HS3ST5: variants seen among roughly 807,000 people sequenced by gnomAD.
HS3ST5 encodes the protein heparan sulfate glucosamine 3-O-sulfotransferase 5.
HS3ST5 carries 10 observed loss-of-function variants against 25.4 expected under a neutral mutation model. That is an observed-to-expected ratio of 0.39 (90% CI 0.24 to 0.67). The LOEUF is 0.67. HS3ST5 is among the 30% of genes least tolerant of loss of function. HS3ST5 has a pLI of 0.44. For missense variants in HS3ST5, 324 were observed against 420.7 expected, an observed-to-expected ratio of 0.77 and a Z score of 2.01; for synonymous variants, 170 against 162.4, an observed-to-expected ratio of 1.05 and a Z score of -0.36.
rs369748785 is a variant in HS3ST5 at position 114,105,074 on chromosome 6, G to A, written c.-32-42197C>T. Among the ~76,000 whole-genome samples the A allele has an allele frequency of 3.2e-4, 49 of 152,202 alleles. 1 individual carries two copies. The highest frequency in any genetic ancestry group is 9.9e-4 in the African/African-American group (41 of 41,516). On this transcript the variant is annotated intron_variant, in intron 3 of 4. Coordinates refer to ENST00000312719, the MANE Select transcript of HS3ST5 (RefSeq NM_153612.4). ...TCATAGCTGTCAATAGAACCACTGA[G>A]TAACCAGTGCCTACCTTATTTGAGG...
intron 1 of HS3ST5, among the ~76,000 whole-genome samples, chr6:114,268,751 G>A (rs1773516336): frequency 6.6e-6 from 1 of 152,180 alleles, no homozygotes; most frequent in South Asian, 2.1e-4. Context: ...CAAAGTAGGT[G>A]AGAGAGTGAG....
intron 3 of HS3ST5, among the ~76,000 whole-genome samples, chr6:114,066,392 C>T (rs907033494): frequency 2.6e-5 from 4 of 152,174 alleles, no homozygotes; most frequent in Non-Finnish European, 4.4e-5. Context: ...TGGTGGCTCA[C>T]GCCTGTAATC....
At chr6:114,258,175 C>A (rs2114656880) in intron 1 of HS3ST5, among the ~76,000 whole-genome samples, 1 of 152,200 alleles carries the variant, frequency 6.6e-6, no homozygotes, top group Non-Finnish European at 1.5e-5. Context: ...TTTCCTTATT[C>A]ACAAATAAAA....
At chr6:114,341,562 T>C (rs1245425938) in intron 1 of HS3ST5, among the ~76,000 whole-genome samples, 2 of 150,218 alleles carry the variant, frequency 1.3e-5, no homozygotes, top group Non-Finnish European at 3.0e-5. Flanking sequence ...GTAGTAACAG[T>C]ATGACCACCC....
intron 1 of HS3ST5, among the ~76,000 whole-genome samples, chr6:114,258,444 A>C (rs1773027894): frequency 6.6e-6 from 1 of 152,222 alleles, no homozygotes; most frequent in Admixed American, 6.5e-5. Flanking sequence ...GCATAGTGAC[A>C]AACACTAGCA....
chr6:114,322,118 T>G (rs2114883375), intron 1 of HS3ST5, among the ~76,000 whole-genome samples: 1 of 152,302 alleles, frequency 6.6e-6, no homozygotes, highest in Non-Finnish European at 1.5e-5. Flanking sequence ...AATAGAATTT[T>G]TAGCCTTTCA....
At chr6:114,284,514 C>G (rs912372064) in intron 1 of HS3ST5, among the ~76,000 whole-genome samples, 5 of 151,878 alleles carry the variant, frequency 3.3e-5, no homozygotes, top group Admixed American at 6.6e-5. Context: ...ACCTTATGAC[C>G]ACTCTCTACT....
intron 3 of HS3ST5, among the ~76,000 whole-genome samples, chr6:114,152,581 A>G (rs1044764358): frequency 6.6e-6 from 1 of 152,160 alleles, no homozygotes; most frequent in African/African-American, 2.4e-5. Flanking sequence ...AACTCTACAG[A>G]TTTGCTTTTC....
At chr6:114,147,058 T>G (rs1158259100) in intron 3 of HS3ST5, among the ~76,000 whole-genome samples, 2 of 152,214 alleles carry the variant, frequency 1.3e-5, no homozygotes, top group Non-Finnish European at 2.9e-5. Flanking sequence ...TGGGAGATTA[T>G]ACTGCATTAT....
chr6:114,073,288 A>C (rs537258391), intron 3 of HS3ST5, among the ~76,000 whole-genome samples: 21 of 152,336 alleles, frequency 1.4e-4, no homozygotes, highest in Admixed American at 4.6e-4. Context: ...AAAATAGACA[A>C]ATGGGATCTA....
chr6:114,130,831 A>G (rs1430178516), intron 3 of HS3ST5, among the ~76,000 whole-genome samples: 1 of 151,794 alleles, frequency 6.6e-6, no homozygotes, highest in Non-Finnish European at 1.5e-5. Context: ...GGCCTCCCAA[A>G]GTGCTGGGAT....
rs193113388 is a variant in HS3ST5, at chr6:114,111,796, T to C, written c.-32-48919A>G. On this transcript the variant is annotated intron_variant, in intron 3 of 4. Coordinates refer to ENST00000312719, the MANE Select transcript of HS3ST5 (RefSeq NM_153612.4). Reference sequence around the variant, plus strand: ...ACTCATTTTCTTGGGTTTTTCAGTTTCAAAACTCATAAAACCTTGCCATCT... The same window carrying C: ...ACTCATTTTCTTGGGTTTTTCAGTTCCAAAACTCATAAAACCTTGCCATCT... Among the ~76,000 whole-genome samples, 80 of 152,262 alleles carry C rather than the reference T, an allele frequency of 5.3e-4. 1 individual carries two copies. The East Asian group carries it at 0.012, about 22-fold the overall frequency.
chr6:114,282,070 T>C (rs1419282165), intron 1 of HS3ST5: 4 of 151,934 alleles, frequency 2.6e-5, no homozygotes, highest in Admixed American at 6.6e-5. Context: ...TAAATAAAAC[T>C]CAGAAACTGT....
chr6:114,075,812 G>A (rs1289001535), intron 3 of HS3ST5, among the ~76,000 whole-genome samples: 1 of 152,168 alleles, frequency 6.6e-6, no homozygotes, highest in Non-Finnish European at 1.5e-5. Context: ...TTACAGAGCT[G>A]GGATTTTCAC....
intron 3 of HS3ST5, among the ~76,000 whole-genome samples, chr6:114,135,706 G>A (rs1414692940): frequency 1.3e-5 from 2 of 152,170 alleles, no homozygotes; most frequent in Admixed American, 6.5e-5. Context: ...TTCCCGTGAC[G>A]TTTATTTATT....
At chr6:114,077,087 G>A (rs1774182336) in intron 3 of HS3ST5, among the ~76,000 whole-genome samples, 1 of 152,154 alleles carries the variant, frequency 6.6e-6, no homozygotes, top group African/African-American at 2.4e-5. Flanking sequence ...CTTCATTTCT[G>A]TCCTCCATTC....
chr6:114,114,665 A>T (rs1562202397), intron 3 of HS3ST5, among the ~76,000 whole-genome samples: 1 of 152,070 alleles, frequency 6.6e-6, no homozygotes, highest in Non-Finnish European at 1.5e-5. Flanking sequence ...TTGGCACAAT[A>T]TTTATGTTTT....
At chr6:114,063,537 A>G (rs6568828) in intron 3 of HS3ST5, among the ~76,000 whole-genome samples, 24,581 of 150,444 alleles carry the variant, frequency 0.16, 2,345 homozygotes, top group African/African-American at 0.27. Context: ...AAAAAGAGCA[A>G]CTTGAGGCTT....
intron 3 of HS3ST5, chr6:114,084,839 T>C (rs541103219): frequency 1.7e-5 from 11 of 635,924 alleles, no homozygotes; most frequent in African/African-American, 7.5e-5. Context: ...TTTTCTTTTT[T>C]TTTTTTTTTT....
Sources: allele counts gnomAD v4.1 joint callset (sites outside exome capture counted in the v4.1 genomes callset), GRCh38; gene constraint gnomAD v4.1.1; transcripts MANE v1.5; gene names NCBI Gene and HGNC (gene_info 2026-07-23, HGNC 2026-07-21).